Variants in PIBF1 observed in about 807,000 individuals in gnomAD.
PIBF1 encodes the protein progesterone-induced-blocking factor 1.
PIBF1 carries 90 observed loss-of-function variants against 112.5 expected under a neutral mutation model. That is an observed-to-expected ratio of 0.80 (90% CI 0.67 to 0.95). PIBF1 has a LOEUF of 0.95. Among genes scored for constraint, PIBF1 ranks in the 40% least tolerant of loss-of-function variants. PIBF1 has a pLI of 0.00. For synonymous variants in PIBF1, 301 were observed against 288.6 expected (o/e 1.04, Z -0.44); for missense variants, 915 against 852.3 (o/e 1.07, Z -0.92).
chr13:72,791,053 G>GTTTA, intron 2 of PIBF1, among the ~76,000 whole-genome samples: 1 of 151,994 alleles, frequency 6.6e-6, no homozygotes, highest in South Asian at 2.1e-4. Flanking sequence ...TTGTTTGTTT[G>GTTTA]TTTGTTTGTT....
At position 72,914,125 on chromosome 13, in the gene PIBF1, A is replaced by G. The variant is rs536563532; in HGVS notation, c.1640-2951A>G. 2.6e-5 allele frequency among the ~76,000 whole-genome samples: 4 copies of G among 152,130 alleles called. No individual in the cohort carries two copies. In the South Asian group the frequency reaches 6.2e-4, roughly 24 times the overall value. ...TTCGGCTGACTTTTTTCAACAGACT[A>G]TTTTTAGTACTACATTGTATACAAT... On this transcript the variant is annotated intron_variant, in intron 12 of 17. Transcript: ENST00000326291.
At chr13:72,857,092 G>T (rs2038456625) in intron 10 of PIBF1, among the ~76,000 whole-genome samples, 1 of 151,956 alleles carries the variant, frequency 6.6e-6, no homozygotes, top group Admixed American at 6.6e-5. Flanking sequence ...ATATTTTTTT[G>T]AAACCAGACA....
intron 10 of PIBF1, among the ~76,000 whole-genome samples, chr13:72,886,084 T>G (rs1400806633): frequency 6.6e-6 from 1 of 152,256 alleles, no homozygotes; most frequent in East Asian, 1.9e-4. Flanking sequence ...AATTCATTTC[T>G]TTTCTTGAGC....
intron 11 of PIBF1, among the ~76,000 whole-genome samples, chr13:72,895,303 A>G (rs866509310): frequency 6.7e-6 from 1 of 149,798 alleles, no homozygotes; most frequent in Non-Finnish European, 1.5e-5. Context: ...TTTTAAATTT[A>G]TATTTAAACT....
chr13:72,920,999 A>C (rs1318245857), intron 13 of PIBF1, among the ~76,000 whole-genome samples: 1 of 152,234 alleles, frequency 6.6e-6, no homozygotes, highest in South Asian at 2.1e-4. Context: ...TTGATTTAAA[A>C]TCTTATATGT....
intron 9 of PIBF1, among the ~76,000 whole-genome samples, chr13:72,845,212 T>C (rs1030977816): frequency 1.3e-5 from 2 of 151,694 alleles, no homozygotes; most frequent in African/African-American, 4.8e-5. Flanking sequence ...ATTGTTCAGC[T>C]CCCACTTATG....
At chr13:72,895,754 T>TTGTGAATTTTAG (rs367732896) in intron 11 of PIBF1, among the ~76,000 whole-genome samples, 3 of 152,090 alleles carry the variant, frequency 2.0e-5, no homozygotes, top group African/African-American at 4.8e-5. Flanking sequence ...TAGCTCCAGA[T>TTGTGAATTTTAG]CGACTGCAAG....
At chr13:72,895,734 T>TTG (rs1028623925) in intron 11 of PIBF1, among the ~76,000 whole-genome samples, 2 of 152,080 alleles carry the variant, frequency 1.3e-5, no homozygotes, top group African/African-American at 2.4e-5. Flanking sequence ...TTGATCCAGA[T>TTG]TGTGAATTTT....
intron 6 of PIBF1, among the ~76,000 whole-genome samples, chr13:72,823,863 T>C (rs1451268323): frequency 6.6e-6 from 1 of 152,156 alleles, no homozygotes; most frequent in African/African-American, 2.4e-5. Context: ...TAAGAAGTCT[T>C]GATCTCTTAG....
rs1324188978 is a variant in PIBF1, at chr13:72,796,547, ATTG to A, written c.552+993_552+995del. On this transcript the variant is annotated intron_variant, in intron 4 of 17. Transcript: ENST00000326291. ...TAGTAAACACATAAAAATGTTGTCT[ATTG>A]TTTTTGCTGGAGTGGTGGTTGCTAT... 5.3e-5 allele frequency among the ~76,000 whole-genome samples: 8 copies of A among 151,978 alleles called. No homozygotes were observed. The East Asian group carries it at 1.4e-3, about 26-fold the overall frequency.
rs148767806 is a variant in PIBF1, at chr13:72,936,937, C to T, written c.1833+5670C>T. Reference sequence around the variant, plus strand: ...CATACTGTATCTTTACCCTTATTTACGTCTTCTTTAATTTATCTTAATACT... The same window carrying T: ...CATACTGTATCTTTACCCTTATTTATGTCTTCTTTAATTTATCTTAATACT... On this transcript the variant is annotated intron_variant, in intron 14 of 17. Transcript: ENST00000326291. Among the ~76,000 whole-genome samples, 601 of 152,052 alleles carry T rather than the reference C, an allele frequency of 4.0e-3. 5 individuals are homozygous for T. The highest frequency in any genetic ancestry group is 0.013 in the African/African-American group (543 of 41,502).
chr13:73,006,405 A>G (rs1166350460), intron 17 of PIBF1, among the ~76,000 whole-genome samples: 1 of 152,188 alleles, frequency 6.6e-6, no homozygotes, highest in Non-Finnish European at 1.5e-5. Context: ...GAAATCAGGA[A>G]TTTTTTGGTG....
At chr13:72,945,454 A>C (rs2042124217) in intron 14 of PIBF1, among the ~76,000 whole-genome samples, 1 of 152,172 alleles carries the variant, frequency 6.6e-6, no homozygotes, top group Non-Finnish European at 1.5e-5. Flanking sequence ...GTTCTTTGAG[A>C]AATCTCCAAA....
intron 3 of PIBF1, among the ~76,000 whole-genome samples, chr13:72,793,719 A>T (rs1191383801): frequency 6.6e-6 from 1 of 152,194 alleles, no homozygotes; most frequent in Non-Finnish European, 1.5e-5. Context: ...GGGCTGATGG[A>T]TTCAATGTGG....
intron 5 of PIBF1, among the ~76,000 whole-genome samples, chr13:72,809,589 G>GTTTTTTTTTTT (rs34696804): frequency 9.9e-6 from 1 of 100,912 alleles, no homozygotes; most frequent in Non-Finnish European, 2.2e-5. Flanking sequence ...TTTTTTTTTG[G>GTTTTTTTTTTT]TTTTTTTTTT....
chr13:72,845,001 A>C (rs143262892), intron 9 of PIBF1, among the ~76,000 whole-genome samples: 1 of 151,970 alleles, frequency 6.6e-6, no homozygotes, highest in African/African-American at 2.4e-5. Context: ...TTTAAGTTCT[A>C]TGATACAAAT....
intron 14 of PIBF1, among the ~76,000 whole-genome samples, chr13:72,942,689 C>T (rs553028017): frequency 9.2e-5 from 14 of 152,206 alleles, no homozygotes; most frequent in Non-Finnish European, 1.8e-4. Flanking sequence ...AAATGTTTGT[C>T]TGTTTGTTGA....
At chr13:72,933,859 G>A (rs1411441964) in intron 14 of PIBF1, among the ~76,000 whole-genome samples, 1 of 152,192 alleles carries the variant, frequency 6.6e-6, no homozygotes, top group Non-Finnish European at 1.5e-5. Context: ...ATGGTATGGT[G>A]CCTGGAATTT....
At chr13:72,963,115 A>G (rs560771219) in intron 14 of PIBF1, among the ~76,000 whole-genome samples, 4 of 152,260 alleles carry the variant, frequency 2.6e-5, no homozygotes, top group South Asian at 2.1e-4. Context: ...CTTACCTTAC[A>G]CCATATTCAA....
Sources: allele counts gnomAD v4.1 joint callset (sites outside exome capture counted in the v4.1 genomes callset), GRCh38; gene constraint gnomAD v4.1.1; transcripts MANE v1.5; gene names NCBI Gene and HGNC (gene_info 2026-07-23, HGNC 2026-07-21).